Variants in DSC1 observed in about 807,000 individuals in gnomAD.
DSC1 encodes the protein desmocollin 1.
A neutral mutation model predicts 98.8 loss-of-function variants in DSC1; 79 were observed. The ratio of observed to expected loss-of-function variants is 0.80; its 90% CI spans 0.67 to 0.96. DSC1 has a LOEUF of 0.96. Ranked by LOEUF, DSC1 falls within the 50% of genes least tolerant of loss-of-function variation. DSC1 has a pLI of 0.00. For synonymous variants in DSC1, 405 were observed against 372.1 expected, an observed-to-expected ratio of 1.09 and a Z score of -1.02; for missense variants, 1,115 against 1,075.9, an observed-to-expected ratio of 1.04 and a Z score of -0.51.
chr18:31,144,238 T>TA (rs11361564), intron 7 of DSC1, among the ~76,000 whole-genome samples: 2,424 of 151,350 alleles, frequency 0.016, 136 homozygotes, highest in Admixed American at 0.1. Flanking sequence ...ATAATTTTGT[T>TA]AAAAAAAAAT....
chr18:31,140,240 T>C lies in DSC1; in HGVS notation c.1322A>G (p.Gln441Arg). 3.7e-6 allele frequency: 6 copies of C among 1,614,100 alleles called. No homozygotes were observed. The highest frequency in any genetic ancestry group is 5.1e-6 in the Non-Finnish European group (6 of 1,179,944). ...ILQVGVINEA[Q>R]FSKAASSQTP... ...TTGTGAGCTCGCTGCTTTAGAGAAT[T>C]GTGCCTCGTTAATGACACCAACTTG... The change falls in exon 10 of 16, where the codon CAA becomes CGA. Residue 441 changes from glutamine (Q) to arginine (R), a missense_variant. Physicochemically the swap from Gln to Arg is conservative, Grantham distance 43 (BLOSUM62 1). Transcript: ENST00000257198.
chr18:31,145,559 T>C (rs1010888095), intron 7 of DSC1, 52 bp downstream of exon 7: 8 of 1,596,036 alleles, frequency 5.0e-6, no homozygotes, highest in Non-Finnish European at 6.9e-6. Flanking sequence ...CGGGAGTTCA[T>C]TCTCAGTTTA....
Position 31,162,771 on chromosome 18 carries a change from G to A in DSC1, c.-177C>T. ...GTGATAAACAGTAGGAGGAGCAACGGGAGAATTTCTTTCCCCCTATTCCCT... is the reference window on the plus strand; with the variant it reads ...GTGATAAACAGTAGGAGGAGCAACGAGAGAATTTCTTTCCCCCTATTCCCT... On this transcript the variant is annotated 5_prime_UTR_variant, in exon 1 of 16. Transcript: ENST00000257198. 3.4e-6 allele frequency: 2 copies of A among 586,626 alleles called. No homozygotes were observed. The highest frequency in any genetic ancestry group is 5.8e-5 in the East Asian group (2 of 34,500). The allele number at this position is 586,626 out of a possible 1,614,324, so 36.3% of individuals were successfully genotyped here. A position where few individuals can be genotyped will look rare whatever the true frequency, so the allele number is the denominator to read the frequency against.
chr18:31,143,012 T>C (rs1001747353), intron 8 of DSC1, among the ~76,000 whole-genome samples: 3 of 152,000 alleles, frequency 2.0e-5, no homozygotes, highest in Non-Finnish European at 4.4e-5. Flanking sequence ...CTTTGACTTG[T>C]GCTCTGGAAT....
At chr18:31,141,869 T>C in intron 9 of DSC1, 130 bp downstream of exon 9, 1 of 873,644 alleles carries the variant, frequency 1.1e-6, no homozygotes, top group Non-Finnish European at 1.6e-6. Context: ...ACAAAGTTTA[T>C]ATAAACCAAT....
chr18:31,134,208 G>T (rs1988558085), intron 12 of DSC1, 78 bp from the exon 13 acceptor site: 4 of 1,484,122 alleles, frequency 2.7e-6, no homozygotes, highest in Admixed American at 2.2e-5. Flanking sequence ...ATTCTCAGTG[G>T]AAGGGAATCA....
intron 7 of DSC1, among the ~76,000 whole-genome samples, chr18:31,145,197 C>T (rs1050597882): frequency 4.6e-5 from 7 of 152,204 alleles, no homozygotes; most frequent in African/African-American, 1.7e-4. Context: ...CCGCCTCAGG[C>T]TCCCAAAGTG....
intron 5 of DSC1, among the ~76,000 whole-genome samples, chr18:31,149,003 G>A (rs1054912882): frequency 2.6e-5 from 4 of 152,126 alleles, no homozygotes; most frequent in South Asian, 2.1e-4. Flanking sequence ...ATGTACAGAT[G>A]TATATATACA....
intron 11 of DSC1, 143 bp downstream of exon 11, chr18:31,139,605 T>C: frequency 1.2e-6 from 1 of 846,726 alleles, no homozygotes; most frequent in Non-Finnish European, 1.7e-6. Context: ...AAGCCTAAAC[T>C]GGGTGATATC....
At chr18:31,150,198 TCACCACCAC>T (rs1330768993) in intron 5 of DSC1, among the ~76,000 whole-genome samples, 1 of 111,382 alleles carries the variant, frequency 9.0e-6, no homozygotes, top group Non-Finnish European at 1.9e-5. Flanking sequence ...ACCATCATCA[TCACCACCAC>T]CACCACCATC....
chr18:31,143,558 A>T (rs957258456), intron 8 of DSC1, 99 bp downstream of exon 8: 1 of 925,318 alleles, frequency 1.1e-6, no homozygotes, highest in African/African-American at 1.7e-5. Context: ...ATTTAAATCA[A>T]ACTGTCAAAC....
intron 11 of DSC1, among the ~76,000 whole-genome samples, chr18:31,136,278 A>G (rs1988606887): frequency 6.6e-6 from 1 of 152,180 alleles, no homozygotes; most frequent in African/African-American, 2.4e-5. Flanking sequence ...TAAAAAATTT[A>G]GTTGCATACA....
At chr18:31,137,140 C>T (rs1988627511) in intron 11 of DSC1, among the ~76,000 whole-genome samples, 1 of 151,966 alleles carries the variant, frequency 6.6e-6, no homozygotes, top group Admixed American at 6.6e-5. Flanking sequence ...TATAAATCAG[C>T]CTACTCTATA....
intron 2 of DSC1, 102 bp from the exon 3 acceptor site, chr18:31,157,675 G>C (rs924532728): frequency 7.8e-7 from 1 of 1,289,694 alleles, no homozygotes; most frequent in Non-Finnish European, 1.1e-6. Flanking sequence ...AGCAGAAAAA[G>C]GGAGGTTACA....
intron 2 of DSC1, among the ~76,000 whole-genome samples, 177 bp downstream of exon 2, chr18:31,159,268 T>A (rs1989164146): frequency 6.7e-6 from 1 of 148,774 alleles, no homozygotes; most frequent in Non-Finnish European, 1.5e-5. Context: ...TTAGCCAGGA[T>A]GGTCTCGATC....
chr18:31,159,544 A>AAG lies in DSC1; in HGVS notation c.64-17_64-16dup. On this transcript the variant is annotated splice_polypyrimidine_tract_variant and intron_variant, in intron 1 of 15. Transcript: ENST00000257198. ...AATGTTAAAACCTCAAAAAAAAAAA[A>AAG]AGAAAAAATATCAGGAATTAAATTT... The AAG allele has an allele frequency of 6.3e-7, 1 of 1,582,848 alleles. No individual in the cohort carries two copies. Among genetic ancestry groups the AAG allele is most frequent in the Non-Finnish European group, 8.6e-7 (1 of 1,168,960 alleles).
Position 31,157,534 on chromosome 18 carries a change from C to A in DSC1, c.188G>T (p.Arg63Leu), listed in dbSNP as rs749572251. The A allele has an allele frequency of 1.2e-6, 2 of 1,614,126 alleles. No homozygotes were observed. The highest frequency in any genetic ancestry group is 1.1e-5 in the South Asian group (1 of 91,082). The part of the protein sequence containing the change: ...EECLKSASLI[R>L]SSDPAFRILE... ...AATTCTGAAGGCAGGGTCACTGGAC[C>A]GGATTAGGCTGGCCGACTTGAGACA... Residue 63 changes from arginine to leucine, a missense_variant, in exon 3 of 16, where the codon CGG (arginine) becomes CTG (leucine). Arg to Leu is a moderately radical substitution (Grantham distance 102). Transcript: ENST00000257198.
intron 5 of DSC1, among the ~76,000 whole-genome samples, chr18:31,152,197 T>C (rs9948648): frequency 0.4 from 60,357 of 151,156 alleles, 12,626 homozygotes; most frequent in Non-Finnish European, 0.45. Flanking sequence ...TAATAAAAGA[T>C]AGTAAGGTTC....
At chr18:31,148,937 C>T (rs913523455) in intron 5 of DSC1, among the ~76,000 whole-genome samples, 3 of 152,098 alleles carry the variant, frequency 2.0e-5, no homozygotes, top group Non-Finnish European at 4.4e-5. Context: ...TGTAGATTTT[C>T]CCCAACTATG....
Sources: gnomAD v4.1 joint callset for allele counts (sites outside exome capture counted in the v4.1 genomes callset) on GRCh38, gnomAD v4.1.1 for gene constraint, MANE v1.5 for transcripts, NCBI Gene and HGNC (gene_info 2026-07-23, HGNC 2026-07-21) for gene names.